Variants in TNPO1 observed in about 807,000 individuals in gnomAD.
TNPO1 encodes the protein transportin 1, also known as transportin-1.
In TNPO1, 8 loss-of-function variants were observed where a neutral mutation model predicts 119.5. That is an observed-to-expected ratio of 0.07 (90% CI 0.04 to 0.12). TNPO1 has a LOEUF of 0.12. Ranked by LOEUF, TNPO1 falls within the 10% of genes least tolerant of loss-of-function variation. The pLI is 1.00. For synonymous variants in TNPO1, 362 were observed against 363.0 expected (o/e 1.00, Z 0.03); for missense variants, 576 against 1,089.8 (o/e 0.53, Z 6.64).
Position 72,872,492 on chromosome 5 carries a change from G to A in TNPO1, c.597-147G>A, listed in dbSNP as rs190325081. 7.4e-4 allele frequency: 396 copies of A among 534,696 alleles called. 4 individuals carry two copies. The highest frequency in any genetic ancestry group is 7.1e-3 in the African/African-American group (363 of 51,396). 33.1% of individuals were successfully genotyped at this position (534,696 alleles called of 1,614,324 possible). On this transcript the variant is annotated intron_variant, in intron 6 of 24. Transcript: ENST00000337273. The stretch of plus-strand genomic sequence containing the variant: ...AGTATATCATTCAAATTCTTTCCTT[G>A]TTGATACAGAAGTTTGACGTATTCT...
chr5:72,863,799 C>G (rs1746666843), intron 5 of TNPO1, among the ~76,000 whole-genome samples: 1 of 149,494 alleles, frequency 6.7e-6, no homozygotes, highest in Non-Finnish European at 1.5e-5. Context: ...TACAGAAAAG[C>G]TAAATAATAA....
chr5:72,903,845 T>A, intron 23 of TNPO1, 62 bp downstream of exon 23: 4 of 1,124,340 alleles, frequency 3.6e-6, no homozygotes, highest in Non-Finnish European at 5.2e-6. Context: ...TGGAAAACTT[T>A]AAATTATGTT....
intron 19 of TNPO1, 28 bp from the exon 20 acceptor site, chr5:72,897,028 G>T (rs769323283): frequency 2.7e-6 from 4 of 1,485,758 alleles, no homozygotes; most frequent in Admixed American, 4.8e-5. Flanking sequence ...TTTCTTTTTT[G>T]TTTTTTTCTT....
intron 11 of TNPO1, among the ~76,000 whole-genome samples, chr5:72,885,577 G>A (rs266444): frequency 0.82 from 124,929 of 152,130 alleles, 51,556 homozygotes; most frequent in Non-Finnish European, 0.86. Context: ...TCTGTGTATC[G>A]TATGCCTCAT....
chr5:72,845,778 A>G (rs553450872), intron 1 of TNPO1, among the ~76,000 whole-genome samples: 2 of 152,154 alleles, frequency 1.3e-5, no homozygotes, highest in African/African-American at 4.8e-5. Flanking sequence ...TATTGGCCTG[A>G]TATTATGGTA....
In TNPO1 at chr5:72,910,614, G is replaced by C. The variant is rs1056485918; in HGVS notation, c.*1941G>C. 23 of 152,646 alleles carry C rather than the reference G, an allele frequency of 1.5e-4. No homozygotes were observed. Among genetic ancestry groups the C allele is most frequent in the African/African-American group, 5.5e-4 (23 of 41,544 alleles). 9.5% of individuals were successfully genotyped at this position (152,646 alleles called of 1,614,324 possible). A position where few individuals can be genotyped will look rare whatever the true frequency, so the allele number is the denominator to read the frequency against. On this transcript the variant is annotated 3_prime_UTR_variant, in exon 25 of 25. Coordinates refer to ENST00000337273, the MANE Select transcript of TNPO1 (RefSeq NM_002270.4). ...TTTAGTTTGTCACCTTTGCATTGCAGAATAAATACTGAATAACCATTTTTA... is the reference window on the plus strand; with the variant it reads ...TTTAGTTTGTCACCTTTGCATTGCACAATAAATACTGAATAACCATTTTTA...
intron 1 of TNPO1, among the ~76,000 whole-genome samples, chr5:72,832,842 A>C (rs1337459042): frequency 6.6e-6 from 1 of 152,166 alleles, no homozygotes; most frequent in Non-Finnish European, 1.5e-5. Context: ...TGTACACCTG[A>C]ATTGGCAGAT....
chr5:72,854,462 T>A (rs1444760388), intron 3 of TNPO1, among the ~76,000 whole-genome samples: 2 of 152,236 alleles, frequency 1.3e-5, no homozygotes, highest in Non-Finnish European at 2.9e-5. Context: ...TATTTTTTAA[T>A]AAGACGGGTA....
intron 1 of TNPO1, among the ~76,000 whole-genome samples, chr5:72,841,269 T>C (rs188267017): frequency 1.4e-4 from 22 of 152,094 alleles, no homozygotes; most frequent in Non-Finnish European, 2.9e-4. Flanking sequence ...AGGCGCCCGC[T>C]ACCACACCCA....
At chr5:72,821,717 A>G (rs1024615034) in intron 1 of TNPO1, among the ~76,000 whole-genome samples, 30 of 152,196 alleles carry the variant, frequency 2.0e-4, no homozygotes, top group African/African-American at 7.2e-4. Context: ...CTTTTGTGAT[A>G]TAAATCTGTA....
intron 1 of TNPO1, among the ~76,000 whole-genome samples, chr5:72,846,292 TG>T (rs1391372556): frequency 1.3e-5 from 2 of 152,214 alleles, no homozygotes; most frequent in Admixed American, 6.5e-5. Context: ...GAACAAATTA[TG>T]CTCTATCCAT....
At chr5:72,862,992 T>TTTTGTGTG (rs1554051196) in intron 5 of TNPO1, among the ~76,000 whole-genome samples, 1 of 144,772 alleles carries the variant, frequency 6.9e-6, no homozygotes, top group African/African-American at 2.6e-5. Flanking sequence ...CTGTGGGTTT[T>TTTTGTGTG]TGTGTGTGTG....
chr5:72,829,893 C>A (rs1378372892), intron 1 of TNPO1, among the ~76,000 whole-genome samples: 1 of 152,078 alleles, frequency 6.6e-6, no homozygotes, highest in Non-Finnish European at 1.5e-5. Flanking sequence ...ATGCAGTTAC[C>A]CTGGGCTGTT....
intron 7 of TNPO1, among the ~76,000 whole-genome samples, chr5:72,875,311 C>G (rs1446025856): frequency 6.6e-6 from 1 of 152,186 alleles, no homozygotes; most frequent in Non-Finnish European, 1.5e-5. Context: ...TCTTTTGTCT[C>G]TGCTTCTGGG....
At chr5:72,906,764 G>A (rs567600880) in intron 24 of TNPO1, among the ~76,000 whole-genome samples, 1 of 152,264 alleles carries the variant, frequency 6.6e-6, no homozygotes, top group East Asian at 1.9e-4. Context: ...ATACTATACT[G>A]TATGTGATGC....
chr5:72,889,778 T>A lies in TNPO1; in HGVS notation c.1530-8T>A. ...CAATAAGTATTCTTTTTTTTTTTTT[T>A]TAAACAGTGCCTTTGCTACCCTAGA... On this transcript the variant is annotated splice_polypyrimidine_tract_variant and splice_region_variant and intron_variant, in intron 13 of 24. Coordinates refer to ENST00000337273, the MANE Select transcript of TNPO1 (RefSeq NM_002270.4). 1 of 1,565,896 alleles carries A rather than the reference T, an allele frequency of 6.4e-7. No individual in the cohort carries two copies. The highest frequency in any genetic ancestry group is 1.2e-5 in the South Asian group (1 of 83,242).
Position 72,883,079 on chromosome 5 carries a change from G to T in TNPO1, c.997G>T (p.Asp333Tyr), listed in dbSNP as rs1453742003. ...AAAACAACAGGGTGATGTTGAAGAA[G>T]ACGAAACGATTCCTGATAGTGAACA... ...IILLKGDVEE[D>Y]ETIPDSEQDI... Residue 333 changes from aspartate (D) to tyrosine (Y), a missense_variant, in exon 11 of 25, where the codon GAC (aspartate) becomes TAC (tyrosine). This residue lies in a region of TNPO1 where 310 missense variants were observed against 583.0 expected (regional missense o/e 0.53). Transcript: ENST00000337273. The T allele has an allele frequency of 6.2e-7, 1 of 1,612,604 alleles. No individual in the cohort carries two copies. The highest frequency in any genetic ancestry group is 1.7e-5 in the Admixed American group (1 of 59,986).
intron 22 of TNPO1, among the ~76,000 whole-genome samples, chr5:72,903,216 T>C (rs935891016): frequency 1.3e-5 from 2 of 152,162 alleles, no homozygotes; most frequent in Non-Finnish European, 2.9e-5. Flanking sequence ...TTCTTCAATT[T>C]TTTGGTTGTT....
chr5:72,913,915 TGGTAAATCA>T lies in TNPO1; in HGVS notation c.*5243_*5251del, dbSNP rs1750720877. 6.6e-6 allele frequency: 1 copy of T among 152,618 alleles called. No homozygotes were observed. Among genetic ancestry groups the T allele is most frequent in the Non-Finnish European group, 1.5e-5 (1 of 67,992 alleles). 9.5% of individuals were successfully genotyped at this position (152,618 alleles called of 1,614,324 possible). ...TCTTGTGAGAAGAGATGTTTAAACGTGGTAAATCACTTCATATTACAAAACAGTTTTACA... is the reference window on the plus strand; with the variant it reads ...TCTTGTGAGAAGAGATGTTTAAACGTCTTCATATTACAAAACAGTTTTACA... On this transcript the variant is annotated 3_prime_UTR_variant, in exon 25 of 25. Transcript: ENST00000337273.
Sources: allele counts gnomAD v4.1 joint callset (sites outside exome capture counted in the v4.1 genomes callset), GRCh38; gene constraint gnomAD v4.1.1; regional missense constraint gnomAD v4.1.1; transcripts MANE v1.5; gene names NCBI Gene and HGNC (gene_info 2026-07-23, HGNC 2026-07-21).